Variants in ERBB4 observed in about 807,000 individuals in gnomAD.
ERBB4 encodes receptor tyrosine-protein kinase erbB-4.
A neutral mutation model predicts 158.0 loss-of-function variants in ERBB4; 42 were observed. That is an observed-to-expected ratio of 0.27 (90% CI 0.21 to 0.34). The LOEUF is 0.34. ERBB4 is among the 10% of genes least tolerant of loss of function. ERBB4 has a pLI of 1.00. For synonymous variants in ERBB4, 583 were observed against 558.7 expected, an observed-to-expected ratio of 1.04 and a Z score of -0.61; for missense variants, 1,333 against 1,624.1, an observed-to-expected ratio of 0.82 and a Z score of 3.08.
intron 2 of ERBB4, among the ~76,000 whole-genome samples, chr2:211,995,768 C>T (rs1177275578): frequency 6.6e-6 from 1 of 152,152 alleles, no homozygotes; most frequent in Admixed American, 6.6e-5. Context: ...CTTCAGGTCT[C>T]AGTTGTAATG....
intron 1 of ERBB4, among the ~76,000 whole-genome samples, chr2:212,498,888 C>T (rs535644803): frequency 6.6e-6 from 1 of 152,036 alleles, no homozygotes; most frequent in South Asian, 2.1e-4. Flanking sequence ...TCAGAATATT[C>T]TTGAGTAACT....
chr2:211,927,039 A>G (rs2080037512), intron 3 of ERBB4, among the ~76,000 whole-genome samples: 1 of 152,216 alleles, frequency 6.6e-6, no homozygotes, highest in Non-Finnish European at 1.5e-5. Flanking sequence ...GAGAAAGTCA[A>G]ATGAATTTCT....
intron 3 of ERBB4, among the ~76,000 whole-genome samples, chr2:211,865,312 C>T (rs1279085655): frequency 1.3e-5 from 2 of 151,772 alleles, no homozygotes; most frequent in African/African-American, 2.4e-5. Flanking sequence ...CTCTGGAAAA[C>T]GCATACCATA....
chr2:211,879,540 T>A (rs1575304086), intron 3 of ERBB4, among the ~76,000 whole-genome samples: 1 of 152,358 alleles, frequency 6.6e-6, no homozygotes, highest in East Asian at 1.9e-4. Context: ...GGCACTCTCA[T>A]GTACTATGTT....
At chr2:212,014,815 TA>T (rs560438775) in intron 2 of ERBB4, among the ~76,000 whole-genome samples, 4 of 151,470 alleles carry the variant, frequency 2.6e-5, no homozygotes, top group African/African-American at 9.7e-5. Flanking sequence ...GAATGTTGAG[TA>T]AAAAAATGTA....
intron 1 of ERBB4, among the ~76,000 whole-genome samples, chr2:212,453,430 A>C (rs775485855): frequency 4.1e-5 from 6 of 144,746 alleles, no homozygotes; most frequent in Non-Finnish European, 6.0e-5. Context: ...TGATAGAACA[A>C]GTAAGAGAAT....
At chr2:211,665,192 A>G in intron 15 of ERBB4, 131 bp downstream of exon 15, 1 of 945,232 alleles carries the variant, frequency 1.1e-6, no homozygotes, top group South Asian at 1.4e-5. Flanking sequence ...TTTCTCTTAA[A>G]ATCAGCATTT....
chr2:212,178,298 T>C (rs2081741999), intron 1 of ERBB4, among the ~76,000 whole-genome samples: 1 of 151,598 alleles, frequency 6.6e-6, no homozygotes, highest in African/African-American at 2.4e-5. Context: ...TAAGGTTTTA[T>C]TTTGGAAAAG....
chr2:212,201,494 T>A (rs2082585624), intron 1 of ERBB4, among the ~76,000 whole-genome samples: 1 of 152,128 alleles, frequency 6.6e-6, no homozygotes. Context: ...CTTGCTTTAA[T>A]CGATAAATAT....
chr2:211,601,626 A>G (rs1161339981), intron 19 of ERBB4, among the ~76,000 whole-genome samples: 2 of 152,220 alleles, frequency 1.3e-5, no homozygotes, highest in Admixed American at 6.5e-5. Context: ...TAACAGCAAT[A>G]CTGGAAGCTA....
chr2:211,413,309 A>AAAAAAAAAAAAACAAAAC (rs1553524037), intron 25 of ERBB4, among the ~76,000 whole-genome samples: 1 of 94,558 alleles, frequency 1.1e-5, no homozygotes, highest in Non-Finnish European at 2.3e-5. Flanking sequence ...CTGTCTTAAA[A>AAAAAAAAAAAAACAAAAC]ACACACACAC....
intron 2 of ERBB4, among the ~76,000 whole-genome samples, chr2:211,955,546 T>C (rs2081004378): frequency 1.3e-5 from 2 of 152,032 alleles, no homozygotes; most frequent in South Asian, 4.1e-4. Flanking sequence ...CCCAAAGTTG[T>C]CTCTGTACCT....
At chr2:212,463,807 G>A (rs1420280844) in intron 1 of ERBB4, among the ~76,000 whole-genome samples, 22 of 151,994 alleles carry the variant, frequency 1.4e-4, no homozygotes, top group Admixed American at 1.4e-3. Flanking sequence ...GTTTCATATT[G>A]CAGAATTACC....
At chr2:211,397,682 C>G (rs2062949167) in intron 25 of ERBB4, among the ~76,000 whole-genome samples, 1 of 152,162 alleles carries the variant, frequency 6.6e-6, no homozygotes, top group African/African-American at 2.4e-5. Context: ...TTTGCAGTTT[C>G]AGGCCCGTGA....
chr2:212,387,873 G>A (rs1429396473), intron 1 of ERBB4, among the ~76,000 whole-genome samples: 1 of 152,018 alleles, frequency 6.6e-6, no homozygotes, highest in African/African-American at 2.4e-5. Flanking sequence ...ATGATTAACG[G>A]CAAAGATGGC....
intron 1 of ERBB4, among the ~76,000 whole-genome samples, chr2:212,352,549 G>A (rs1035069140): frequency 1.3e-5 from 2 of 152,110 alleles, no homozygotes; most frequent in Admixed American, 6.6e-5. Context: ...AAATGTATAT[G>A]TGTAAAACCA....
intron 20 of ERBB4, among the ~76,000 whole-genome samples, chr2:211,558,126 A>G (rs909924201): frequency 1.3e-5 from 2 of 152,204 alleles, no homozygotes; most frequent in African/African-American, 4.8e-5. Context: ...AAGGTGGCTG[A>G]AAACAATGCA....
At chr2:211,775,678 T>C (rs1334348405) in intron 4 of ERBB4, among the ~76,000 whole-genome samples, 2 of 152,170 alleles carry the variant, frequency 1.3e-5, no homozygotes, top group Non-Finnish European at 2.9e-5. Flanking sequence ...AATAGTGATA[T>C]CTAGAGTAAT....
rs143661578 is a variant in ERBB4 at position 212,184,456 on chromosome 2, T to G, written c.83-59553A>C. On this transcript the variant is annotated intron_variant, in intron 1 of 27. Transcript: ENST00000342788. ...TTAGGGTCATTTAATTAACAAATGA[T>G]CAATTCTATTAATAGTAGGCAGGGA... Among the ~76,000 whole-genome samples the G allele has an allele frequency of 2.0e-4, 31 of 152,174 alleles. 1 individual carries two copies. The highest frequency in any genetic ancestry group is 7.2e-4 in the African/African-American group (30 of 41,538).
Sources: allele counts gnomAD v4.1 joint callset (sites outside exome capture counted in the v4.1 genomes callset), GRCh38; gene constraint gnomAD v4.1.1; transcripts MANE v1.5; gene names NCBI Gene and HGNC (gene_info 2026-07-23, HGNC 2026-07-21).